Variants in SPAG9 observed in about 807,000 individuals in gnomAD.
SPAG9 encodes sperm associated antigen 9.
Under a neutral mutation model 166.5 loss-of-function variants are expected in SPAG9, and 35 were observed. That is an observed-to-expected ratio of 0.21 (90% CI 0.16 to 0.28). The LOEUF (loss-of-function observed/expected upper bound fraction) is 0.28. Ranked by LOEUF, SPAG9 falls within the 10% of genes least tolerant of loss-of-function variation. The pLI, the probability that SPAG9 is intolerant of heterozygous loss-of-function variation, is 1.00. For missense variants in SPAG9, 1,235 were observed against 1,603.3 expected (o/e 0.77, Z 3.92); for synonymous variants, 534 against 565.5 (o/e 0.94, Z 0.79).
At chr17:51,101,634 CAG>C (rs933407772) in intron 1 of SPAG9, among the ~76,000 whole-genome samples, 15 of 150,458 alleles carry the variant, frequency 1.0e-4, no homozygotes, top group African/African-American at 3.7e-4. Flanking sequence ...TTGAGGGGGA[CAG>C]GGGAGGGATG....
intron 1 of SPAG9, among the ~76,000 whole-genome samples, chr17:51,096,759 T>C (rs1254721756): frequency 2.0e-5 from 3 of 150,976 alleles, no homozygotes; most frequent in African/African-American, 7.3e-5. Flanking sequence ...GATCAACAGG[T>C]AAAAAAAAAT....
chr17:51,089,124 A>C (rs28797258), intron 1 of SPAG9, among the ~76,000 whole-genome samples: 62,355 of 148,604 alleles, frequency 0.42, 13,225 homozygotes, highest in Non-Finnish European at 0.47. Flanking sequence ...CACACACACA[A>C]AAAAAAAACA....
intron 9 of SPAG9, among the ~76,000 whole-genome samples, chr17:51,012,089 C>T (rs2045509046): frequency 6.6e-6 from 1 of 152,100 alleles, no homozygotes; most frequent in Non-Finnish European, 1.5e-5. Flanking sequence ...TATATTGATT[C>T]TGGTGAATTT....
chr17:51,065,097 T>A (rs1172598262), intron 2 of SPAG9, among the ~76,000 whole-genome samples: 1 of 152,208 alleles, frequency 6.6e-6, no homozygotes, highest in African/African-American at 2.4e-5. Flanking sequence ...CACTCCAGCC[T>A]GGGCAACTAG....
chr17:51,048,828 G>A (rs1435085568), intron 3 of SPAG9, among the ~76,000 whole-genome samples: 2 of 152,076 alleles, frequency 1.3e-5, no homozygotes, highest in Non-Finnish European at 2.9e-5. Flanking sequence ...TATCCACAAA[G>A]AATGAAAACA....
intron 1 of SPAG9, among the ~76,000 whole-genome samples, chr17:51,093,251 T>C (rs1252588857): frequency 2.0e-5 from 3 of 151,764 alleles, no homozygotes; most frequent in Non-Finnish European, 4.4e-5. Flanking sequence ...GGAATAAAAG[T>C]ATCAGTGGTG....
At chr17:50,981,153 ATACCATAAGTCACGCTGAAC>A (rs1035838116) in intron 25 of SPAG9, among the ~76,000 whole-genome samples, 4 of 91,218 alleles carry the variant, frequency 4.4e-5, no homozygotes, top group Admixed American at 2.5e-4. Context: ...TGCCGATATG[ATACCATAAGTCACGCTGAAC>A]ACAGTATTTT....
Position 51,118,041 on chromosome 17 carries a change from G to A in SPAG9, c.303+2313C>T, listed in dbSNP as rs373107238. On this transcript the variant is annotated intron_variant, in intron 1 of 29. Coordinates refer to ENST00000262013, the MANE Select transcript of SPAG9 (RefSeq NM_001130528.3). The stretch of plus-strand genomic sequence containing the variant: ...TGCCTATAGTCCCAGCTACTCGGGC[G>A]GCTGAGGCAGAAGAATTGCTTGAAC... 5.9e-5 allele frequency among the ~76,000 whole-genome samples: 9 copies of A among 151,666 alleles called. No individual in the cohort carries two copies. In the East Asian group the frequency reaches 1.2e-3, roughly 20 times the overall value.
In SPAG9 at chr17:51,120,229, G is replaced by T; in HGVS notation, c.303+125C>A. ...GAGGCCGCCGGGATCGGTCCCAGGG[G>T]GCATCGGCCTCAGGCCCGCCCTCCA... is the stretch of plus-strand genomic sequence containing the variant. On this transcript the variant is annotated intron_variant, in intron 1 of 29. Coordinates refer to ENST00000262013, the MANE Select transcript of SPAG9 (RefSeq NM_001130528.3). This position sits in a 1 kb window ranked among gnomAD's most constrained non-coding sequence, Gnocchi z 4.7. 1.2e-6 allele frequency: 1 copy of T among 820,714 alleles called. No homozygotes were observed. Among genetic ancestry groups the T allele is most frequent in the Non-Finnish European group, 1.8e-6 (1 of 562,852 alleles). 50.8% of individuals were successfully genotyped at this position (820,714 alleles called of 1,614,324 possible).
At position 51,041,572 on chromosome 17, in the gene SPAG9, C is replaced by T. The variant is rs745977702; in HGVS notation, c.670G>A (p.Gly224Arg). The T allele has an allele frequency of 6.2e-7, 1 of 1,613,974 alleles. No individual in the cohort carries two copies. The highest frequency in any genetic ancestry group is 8.5e-7 in the Non-Finnish European group (1 of 1,179,894). Residue 224 changes from glycine (G) to arginine (R), a missense_variant, in exon 5 of 30, where the codon GGA (glycine) becomes AGA (arginine). Around this residue, in one of 6 missense-constraint regions of SPAG9, gnomAD observed 288 missense variants for 323.7 expected, o/e 0.89. Transcript: ENST00000262013. ...CATTGCTCAGATCCAGGGGTCTCTC[C>T]TCCTTTCTGAGCATCAGGTGTAAGC... ...GLLTPDAQKG[G>R]ETPGSEQWKF...
chr17:51,050,572 C>T (rs1324620803), intron 3 of SPAG9, among the ~76,000 whole-genome samples: 1 of 152,176 alleles, frequency 6.6e-6, no homozygotes, highest in Non-Finnish European at 1.5e-5. Flanking sequence ...TCCTTTCTTC[C>T]TCATACCCAC....
At chr17:51,020,936 TAAGAA>T (rs2045914530) in intron 7 of SPAG9, among the ~76,000 whole-genome samples, 1 of 152,162 alleles carries the variant, frequency 6.6e-6, no homozygotes, top group South Asian at 2.1e-4. Flanking sequence ...TAGGGGATAA[TAAGAA>T]AAAAGTATGT....
At chr17:51,082,801 A>G (rs951670040) in intron 1 of SPAG9, among the ~76,000 whole-genome samples, 4 of 152,192 alleles carry the variant, frequency 2.6e-5, no homozygotes, top group Admixed American at 2.0e-4. Flanking sequence ...TGCAGAGGAC[A>G]TGGGTTTTTG....
At chr17:51,053,580 G>A (rs939498424) in intron 3 of SPAG9, among the ~76,000 whole-genome samples, 11 of 151,732 alleles carry the variant, frequency 7.2e-5, no homozygotes, top group South Asian at 4.1e-4. Context: ...AGCTACTCAG[G>A]AGGCTGAGGC....
intron 20 of SPAG9, 130 bp downstream of exon 20, chr17:50,990,320 G>A (rs901449677): frequency 2.5e-5 from 19 of 759,310 alleles, no homozygotes; most frequent in Admixed American, 1.1e-4. Flanking sequence ...GAGCCACCAC[G>A]CCCGGCCTAC....
chr17:50,982,559 T>A lies in SPAG9; in HGVS notation c.3202A>T (p.Ile1068Phe), dbSNP rs1974738661. ...ATGGCCTTTGGCTGCACCACATAGA[T>A]TTTGTTCCTATAGCCACACCAGACT... ...DKVWCGYRNK[I>F]YVVQPKAMKI... The change falls in exon 25 of 30, where the codon ATC becomes TTC. Residue 1068 changes from isoleucine to phenylalanine, a missense_variant. Transcript: ENST00000262013. 1 of 1,613,524 alleles carries A rather than the reference T, an allele frequency of 6.2e-7. No homozygotes were observed. The highest frequency in any genetic ancestry group is 1.3e-5 in the African/African-American group (1 of 74,880).
At chr17:51,010,574 A>AT (rs1296994371) in intron 9 of SPAG9, among the ~76,000 whole-genome samples, 13 of 124,414 alleles carry the variant, frequency 1.0e-4, no homozygotes, top group African/African-American at 4.0e-4. Context: ...AAAAGAAAAA[A>AT]AAAAAAAAAT....
intron 1 of SPAG9, among the ~76,000 whole-genome samples, chr17:51,104,248 G>A (rs2048879627): frequency 6.6e-6 from 1 of 152,140 alleles, no homozygotes; most frequent in African/African-American, 2.4e-5. Flanking sequence ...CCTTAAAGTA[G>A]GCTATCAGTT....
intron 19 of SPAG9, 66 bp from the exon 20 acceptor site, chr17:50,990,734 C>G (rs1407250828): frequency 1.5e-6 from 2 of 1,313,656 alleles, no homozygotes; most frequent in Non-Finnish European, 2.2e-6. Context: ...TTTACTAAAA[C>G]AATTACAGGT....
Sources: gnomAD v4.1 joint callset for allele counts (sites outside exome capture counted in the v4.1 genomes callset) on GRCh38, gnomAD v4.1.1 for gene constraint, gnomAD v4.1.1 regional missense constraint, Gnocchi (gnomAD v3.1) non-coding constraint, MANE v1.5 for transcripts, NCBI Gene and HGNC (gene_info 2026-07-23, HGNC 2026-07-21) for gene names.